Variants in NMT2 observed in about 807,000 individuals in gnomAD.
The protein encoded by NMT2 is glycylpeptide N-tetradecanoyltransferase 2.
In NMT2, 35 loss-of-function variants were observed where a neutral mutation model predicts 65.4. The observed-to-expected ratio is 0.54, with a 90% CI of 0.41 to 0.71. The LOEUF (loss-of-function observed/expected upper bound fraction) is 0.71, where lower values mean the gene tolerates loss of function less well. NMT2 is among the 30% of genes least tolerant of loss of function. NMT2 has a pLI of 0.00. For synonymous variants in NMT2, 226 were observed against 231.8 expected, an observed-to-expected ratio of 0.98 and a Z score of 0.23; for missense variants, 489 against 611.3, an observed-to-expected ratio of 0.80 and a Z score of 2.11.
intron 2 of NMT2, among the ~76,000 whole-genome samples, chr10:15,136,696 C>T (rs560329753): frequency 2.0e-5 from 3 of 152,320 alleles, no homozygotes; most frequent in South Asian, 4.1e-4. Flanking sequence ...AGATCCTGGG[C>T]AACCATAGCC....
rs559108688 is a variant in NMT2 at position 15,128,244 on chromosome 10, T to A, written c.999+106A>T. On this transcript the variant is annotated intron_variant, in intron 8 of 11. Transcript: ENST00000378165. ...AAATCTCTTTCGCTCCATATTCACT[T>A]CCTCAGACACACCAGTCAGTTTTTA... is the stretch of plus-strand genomic sequence containing the variant. 1.2e-4 allele frequency: 87 copies of A among 718,958 alleles called. No individual in the cohort carries two copies. In the South Asian group the frequency reaches 1.3e-3, roughly 11 times the overall value. The allele number at this position is 718,958 out of a possible 1,614,324, so 44.5% of individuals were successfully genotyped here.
intron 6 of NMT2, among the ~76,000 whole-genome samples, chr10:15,131,340 G>A (rs1360464471): frequency 7.0e-6 from 1 of 141,976 alleles, no homozygotes. Context: ...TTTTTGAGAT[G>A]AGGTCTCGCT....
intron 9 of NMT2, among the ~76,000 whole-genome samples, chr10:15,114,533 T>G (rs1050772174): frequency 2.0e-5 from 3 of 152,196 alleles, no homozygotes; most frequent in Non-Finnish European, 4.4e-5. Flanking sequence ...AAGCAACTTC[T>G]AACAACTTTC....
In NMT2 at chr10:15,108,248, C is replaced by T. The variant is rs1455879554; in HGVS notation, c.*947G>A. On this transcript the variant is annotated 3_prime_UTR_variant, in exon 12 of 12. Coordinates refer to ENST00000378165, the MANE Select transcript of NMT2 (RefSeq NM_004808.3). ...TGTCACCCAGGCTGGAGTGCAGTGGCTCGATCTCGGCTCACTGCAACCTCA... is the reference window on the plus strand; with the variant it reads ...TGTCACCCAGGCTGGAGTGCAGTGGTTCGATCTCGGCTCACTGCAACCTCA... 16 of 914,402 alleles carry T rather than the reference C, an allele frequency of 1.7e-5. No homozygotes were observed. Among genetic ancestry groups the T allele is most frequent in the Non-Finnish European group, 2.1e-5 (16 of 767,698 alleles). 56.6% of individuals were successfully genotyped at this position (914,402 alleles called of 1,614,324 possible). A position where few individuals can be genotyped will look rare whatever the true frequency, so the allele number is the denominator to read the frequency against.
At position 15,108,569 on chromosome 10, in the gene NMT2, C is replaced by A. The variant is rs1223427435; in HGVS notation, c.*626G>T. 7 of 985,892 alleles carry A rather than the reference C, an allele frequency of 7.1e-6. No homozygotes were observed. In the African/African-American group the frequency reaches 1.2e-4, roughly 17 times the overall value. 61.1% of individuals were successfully genotyped at this position (985,892 alleles called of 1,614,324 possible). ...CACTGACCTGGTAAAGATCAAAGTA[C>A]AAACTTGCATGTTTATTGATTCGGC... On this transcript the variant is annotated 3_prime_UTR_variant, in exon 12 of 12. Transcript: ENST00000378165.
At chr10:15,122,997 C>T (rs1845972597) in intron 8 of NMT2, among the ~76,000 whole-genome samples, 1 of 151,806 alleles carries the variant, frequency 6.6e-6, no homozygotes, top group Non-Finnish European at 1.5e-5. Flanking sequence ...CCCTGGGCCA[C>T]ACTTTGAGAA....
At chr10:15,136,563 A>G (rs780552849) in intron 2 of NMT2, among the ~76,000 whole-genome samples, 6 of 151,918 alleles carry the variant, frequency 3.9e-5, no homozygotes, top group Non-Finnish European at 8.8e-5. Context: ...TCAAGAAAAG[A>G]AATCTCTAAC....
At chr10:15,122,934 A>T (rs1018503155) in intron 8 of NMT2, among the ~76,000 whole-genome samples, 1 of 124,566 alleles carries the variant, frequency 8.0e-6, no homozygotes. Flanking sequence ...GAAAATAGTT[A>T]AAAAAAAAAA....
chr10:15,130,592 T>C (rs781677308), intron 6 of NMT2, among the ~76,000 whole-genome samples: 1 of 150,238 alleles, frequency 6.7e-6, no homozygotes, highest in Non-Finnish European at 1.5e-5. Context: ...TGGTCCCAGC[T>C]ACTTGGGAGG....
chr10:15,168,203 T>C (rs1371626035), intron 1 of NMT2, among the ~76,000 whole-genome samples: 1 of 151,922 alleles, frequency 6.6e-6, no homozygotes, highest in African/African-American at 2.4e-5. Context: ...AGGCGCCTCC[T>C]GGGCCAGGCC....
At chr10:15,151,544 T>C (rs1832802816) in intron 1 of NMT2, among the ~76,000 whole-genome samples, 1 of 152,210 alleles carries the variant, frequency 6.6e-6, no homozygotes, top group Non-Finnish European at 1.5e-5. Flanking sequence ...GGTCGGAATA[T>C]AGGAAGAAAT....
intron 1 of NMT2, among the ~76,000 whole-genome samples, chr10:15,145,777 C>G (rs1380498579): frequency 1.3e-5 from 2 of 152,110 alleles, no homozygotes; most frequent in East Asian, 3.9e-4. Flanking sequence ...CTGGGGGTGA[C>G]AGGATGATGT....
At chr10:15,160,039 TAGAGA>T (rs1050809403) in intron 1 of NMT2, among the ~76,000 whole-genome samples, 4 of 152,040 alleles carry the variant, frequency 2.6e-5, no homozygotes, top group Non-Finnish European at 5.9e-5. Context: ...ACCTTGAACT[TAGAGA>T]AGAGGAGAAG....
chr10:15,109,715 G>A lies in NMT2; in HGVS notation c.1463C>T (p.Thr488Ile). The change falls in exon 11 of 12, where the codon ACA becomes ATA. Residue 488 changes from threonine (T) to isoleucine (I), a missense_variant. Transcript: ENST00000378165. The stretch of plus-strand genomic sequence containing the variant: ...CATTTCACTTACCTTTTCAGAATCT[G>A]TACCTGGACACCTCCAATTGTACAG... ...YYLYNWRCPG[T>I]DSEKVGLVLQ 6.2e-7 allele frequency: 1 copy of A among 1,611,252 alleles called. No individual in the cohort carries two copies. The highest frequency in any genetic ancestry group is 1.7e-5 in the Admixed American group (1 of 59,368).
Position 15,130,200 on chromosome 10 carries a change from T to G in NMT2, c.832A>C (p.Ile278Leu). ...EITRRVNLEGIFQAVYTAGVV... is the reference protein window; with the variant it reads ...EITRRVNLEGLFQAVYTAGVV... ...CCCGCGGTGTACACAGCCTGGAAGA[T>G]CCCTTCCAGGTTCACTCTTCTAGTG... The change falls in exon 7 of 12, where the codon ATC becomes CTC. Residue 278 changes from isoleucine (I) to leucine (L), a missense_variant. Ile to Leu is a conservative substitution (Grantham distance 5). Coordinates refer to ENST00000378165, the MANE Select transcript of NMT2 (RefSeq NM_004808.3). 3.7e-6 allele frequency: 6 copies of G among 1,605,172 alleles called. No homozygotes were observed. In the African/African-American group the frequency reaches 5.3e-5, roughly 14 times the overall value.
chr10:15,126,386 G>A (rs1296342583), intron 8 of NMT2, among the ~76,000 whole-genome samples: 1 of 149,998 alleles, frequency 6.7e-6, no homozygotes, highest in Non-Finnish European at 1.5e-5. Context: ...CTGAGATTGT[G>A]CCATTGCACT....
At chr10:15,135,560 T>G (rs1846452939) in intron 2 of NMT2, 142 bp from the exon 3 acceptor site, 2 of 778,882 alleles carry the variant, frequency 2.6e-6, no homozygotes, top group Non-Finnish European at 4.2e-6. Flanking sequence ...GCCATGGGCT[T>G]GTGTGTTACA....
At chr10:15,126,214 AG>A (rs1846068631) in intron 8 of NMT2, among the ~76,000 whole-genome samples, 2 of 151,338 alleles carry the variant, frequency 1.3e-5, no homozygotes, top group African/African-American at 4.8e-5. Flanking sequence ...GGATCACCTG[AG>A]GTCAGGAGTT....
intron 9 of NMT2, among the ~76,000 whole-genome samples, chr10:15,116,340 A>T (rs927417516): frequency 6.6e-6 from 1 of 152,204 alleles, no homozygotes; most frequent in African/African-American, 2.4e-5. Flanking sequence ...TGGGCTAAAG[A>T]GGAAGCCTCA....
Sources: gnomAD v4.1 joint callset for allele counts (sites outside exome capture counted in the v4.1 genomes callset) on GRCh38, gnomAD v4.1.1 for gene constraint, MANE v1.5 for transcripts, NCBI Gene and HGNC (gene_info 2026-07-23, HGNC 2026-07-21) for gene names.